Variants in UBA2 observed in about 807,000 individuals in gnomAD.
The protein encoded by UBA2 is SUMO-activating enzyme subunit 2.
A neutral mutation model predicts 77.2 loss-of-function variants in UBA2; 11 were observed. The observed-to-expected ratio is 0.14, with a 90% confidence interval of 0.09 to 0.24. UBA2 has a LOEUF of 0.24. UBA2 is among the 10% of genes least tolerant of loss of function. The pLI, the probability that UBA2 is intolerant of heterozygous loss-of-function variation, is 1.00. For synonymous variants in UBA2, 278 were observed against 276.7 expected (o/e 1.00, Z -0.05); for missense variants, 487 against 781.7 (o/e 0.62, Z 4.50).
At chr19:34,451,436 A>G (rs1389945736) in intron 9 of UBA2, among the ~76,000 whole-genome samples, 1 of 151,120 alleles carries the variant, frequency 6.6e-6, no homozygotes, top group Non-Finnish European at 1.5e-5. Context: ...GCTGGGCCTA[A>G]TGCTTATTTA....
chr19:34,470,036 C>T lies in UBA2; in HGVS notation c.*815C>T, dbSNP rs924101154. 3 of 151,596 alleles carry T rather than the reference C, an allele frequency of 2.0e-5. No individual in the cohort carries two copies. In the Admixed American group the frequency reaches 2.0e-4, roughly 10 times the overall value. 9.4% of individuals were successfully genotyped at this position (151,596 alleles called of 1,614,324 possible). On this transcript the variant is annotated 3_prime_UTR_variant, in exon 17 of 17. Transcript: ENST00000246548. ...TTGGAAGGCTGAGGCAGGTGGATCA[C>T]CTGAGGTCAGTAGTTCAAGACCAAC...
chr19:34,431,751 T>C (rs1486917179), intron 2 of UBA2, 110 bp from the exon 3 acceptor site: 1 of 894,126 alleles, frequency 1.1e-6, no homozygotes, highest in East Asian at 2.5e-5. Flanking sequence ...CTTTGGTGTT[T>C]AATATAAATA....
At chr19:34,440,698 G>A (rs754912455) in intron 6 of UBA2, among the ~76,000 whole-genome samples, 2 of 152,160 alleles carry the variant, frequency 1.3e-5, no homozygotes, top group African/African-American at 4.8e-5. Context: ...AAGCTGAAGC[G>A]GGTGGATCAC....
intron 1 of UBA2, 150 bp downstream of exon 1, chr19:34,428,720 G>C: frequency 8.8e-7 from 1 of 1,141,902 alleles, no homozygotes; most frequent in Non-Finnish European, 1.1e-6. Context: ...CTCGGGTTGT[G>C]CCCCCCCCGC....
intron 6 of UBA2, among the ~76,000 whole-genome samples, chr19:34,440,307 C>CAAA (rs60873964): frequency 2.2e-5 from 2 of 90,398 alleles, no homozygotes; most frequent in African/African-American, 3.8e-5. Context: ...GATGATGTTT[C>CAAA]AAAAAAAAAA....
chr19:34,466,820 C>G (rs1400672341), intron 15 of UBA2, 58 bp from the exon 16 acceptor site: 2 of 1,527,604 alleles, frequency 1.3e-6, no homozygotes, highest in Non-Finnish European at 1.8e-6. Context: ...CAGGATTTCT[C>G]TGGTGCTCCT....
intron 2 of UBA2, among the ~76,000 whole-genome samples, chr19:34,430,936 C>G (rs1047045568): frequency 1.3e-5 from 2 of 152,142 alleles, no homozygotes; most frequent in Non-Finnish European, 2.9e-5. Context: ...TGTTCCTACA[C>G]CCCCTAGAGG....
intron 12 of UBA2, among the ~76,000 whole-genome samples, chr19:34,455,309 G>A (rs1407260672): frequency 6.6e-6 from 1 of 152,178 alleles, no homozygotes; most frequent in Non-Finnish European, 1.5e-5. Flanking sequence ...TATGGAGAAA[G>A]TATTTTTCTC....
At chr19:34,428,693 G>C in intron 1 of UBA2, 123 bp downstream of exon 1, 2 of 1,207,044 alleles carry the variant, frequency 1.7e-6, no homozygotes, top group East Asian at 3.2e-5. Flanking sequence ...GTTGCGGAGC[G>C]GGGGCAGGCT....
chr19:34,457,108 C>G (rs1355318251), intron 12 of UBA2, among the ~76,000 whole-genome samples: 1 of 143,386 alleles, frequency 7.0e-6, no homozygotes, highest in African/African-American at 2.6e-5. Flanking sequence ...GCAGGCAGAT[C>G]ACCTGAGATT....
At chr19:34,431,244 CTTTTTTTTTTTTTT>C (rs1184297228) in intron 2 of UBA2, among the ~76,000 whole-genome samples, 7 of 69,392 alleles carry the variant, frequency 1.0e-4, no homozygotes, top group South Asian at 6.6e-4. Context: ...ATTTTCTTTT[CTTTTTTTTTTTTTT>C]TTTTTTTTTT....
At chr19:34,451,544 T>G (rs899498310) in intron 9 of UBA2, among the ~76,000 whole-genome samples, 12 of 122,710 alleles carry the variant, frequency 9.8e-5, no homozygotes, top group African/African-American at 2.2e-4. Context: ...CAGTTTTTTT[T>G]TTTTTTTTTT....
chr19:34,447,123 G>A (rs7254399), intron 8 of UBA2, among the ~76,000 whole-genome samples: 117,652 of 151,938 alleles, frequency 0.77, 46,983 homozygotes, highest in Non-Finnish European at 0.88. Flanking sequence ...CTCAAAACTG[G>A]AGAATTTGGA....
Position 34,443,630 on chromosome 19 carries a change from C to T in UBA2, c.582-214C>T, listed in dbSNP as rs575098779. Among the ~76,000 whole-genome samples, 10 of 151,958 alleles carry T rather than the reference C, an allele frequency of 6.6e-5. No individual in the cohort carries two copies. The South Asian group carries it at 1.5e-3, about 22-fold the overall frequency. ...CTAATTTTTATATTTTTGGTAGAGA[C>T]GAGGTTTCACCATGTTGGTCAGGCT... On this transcript the variant is annotated intron_variant, in intron 6 of 16. Transcript: ENST00000246548.
rs1269658443 is a variant in UBA2, at chr19:34,464,104, A to G, written c.1577A>G (p.Tyr526Cys). Residue 526 changes from tyrosine to cysteine, a missense_variant, in exon 15 of 17, where the codon TAT becomes TGT. By Grantham distance (194) the Tyr-to-Cys change is radical. Transcript: ENST00000246548. ...CAAGCAGATGACTTCCTCCAGGACTATACTTTATTGATCAACATCCTTCAT... is the reference window on the plus strand; with the variant it reads ...CAAGCAGATGACTTCCTCCAGGACTGTACTTTATTGATCAACATCCTTCAT... Reference protein sequence around the residue: ...RLQADDFLQDYTLLINILHSE... With the variant: ...RLQADDFLQDCTLLINILHSE... The G allele has an allele frequency of 4.3e-6, 7 of 1,612,808 alleles. No individual in the cohort carries two copies. Among genetic ancestry groups the G allele is most frequent in the Middle Eastern group, 1.7e-4 (1 of 6,058 alleles).
intron 8 of UBA2, among the ~76,000 whole-genome samples, chr19:34,448,263 A>G (rs1052611537): frequency 2.0e-5 from 3 of 152,164 alleles, no homozygotes; most frequent in African/African-American, 7.2e-5. Flanking sequence ...TAGACTAAAC[A>G]GGACTTTGCA....
At chr19:34,444,052 T>C in intron 7 of UBA2, 141 bp downstream of exon 7, 1 of 406,206 alleles carries the variant, frequency 2.5e-6, no homozygotes. Flanking sequence ...TTGTTTTTTT[T>C]TTTTTTTTTT....
At chr19:34,446,597 CTTTTT>C (rs1202288406) in intron 8 of UBA2, among the ~76,000 whole-genome samples, 4 of 100,242 alleles carry the variant, frequency 4.0e-5, no homozygotes, top group South Asian at 3.3e-4. Flanking sequence ...CACATGTTGA[CTTTTT>C]TTTTTCTTTC....
At chr19:34,460,113 C>T (rs1419758818) in intron 13 of UBA2, among the ~76,000 whole-genome samples, 1 of 152,094 alleles carries the variant, frequency 6.6e-6, no homozygotes, top group African/African-American at 2.4e-5. Flanking sequence ...GAACTGATTC[C>T]ATCTATGAAA....
Sources: allele counts gnomAD v4.1 joint callset (sites outside exome capture counted in the v4.1 genomes callset), GRCh38; gene constraint gnomAD v4.1.1; transcripts MANE v1.5; gene names NCBI Gene and HGNC (gene_info 2026-07-23, HGNC 2026-07-21).